Variants in FAM169A observed in about 807,000 individuals in gnomAD.
FAM169A encodes the protein soluble lamin-associated protein of 75 kDa.
FAM169A carries 24 observed loss-of-function variants against 75.7 expected under a neutral mutation model. That is an observed-to-expected ratio of 0.32 (90% CI 0.23 to 0.45). FAM169A has a LOEUF of 0.45. Among genes scored for constraint, FAM169A ranks in the 20% least tolerant of loss-of-function variants. FAM169A has a pLI of 1.00. For synonymous variants in FAM169A, 271 were observed against 271.0 expected, an observed-to-expected ratio of 1.00 and a Z score of 0.00; for missense variants, 673 against 784.0, an observed-to-expected ratio of 0.86 and a Z score of 1.69.
chr5:74,784,629 A>AAAAT, intron 11 of FAM169A, among the ~76,000 whole-genome samples: 1 of 150,098 alleles, frequency 6.7e-6, no homozygotes, highest in Admixed American at 6.6e-5. Context: ...AAAAAAAAAA[A>AAAAT]AAAATAGGCT....
chr5:74,866,908 C>T (rs1349331603), upstream of FAM169A: 2 of 985,548 alleles, frequency 2.0e-6, no homozygotes, highest in Non-Finnish European at 2.4e-6. Flanking sequence ...CACTTTCATC[C>T]TAAACCTACT....
chr5:74,831,744 G>A (rs886730738), intron 5 of FAM169A, among the ~76,000 whole-genome samples: 4 of 152,010 alleles, frequency 2.6e-5, no homozygotes, highest in East Asian at 1.9e-4. Flanking sequence ...CACTGTCCTC[G>A]ACTTGTGAGG....
At chr5:74,839,079 T>G (rs1211029499) in intron 3 of FAM169A, 29 bp from the exon 4 acceptor site, 2 of 1,539,472 alleles carry the variant, frequency 1.3e-6, no homozygotes, top group Non-Finnish European at 1.8e-6. Flanking sequence ...TCATTAACAC[T>G]TGAGTTTTAA....
chr5:74,841,906 T>C (rs1195338333), intron 1 of FAM169A, among the ~76,000 whole-genome samples: 1 of 152,166 alleles, frequency 6.6e-6, no homozygotes, highest in Non-Finnish European at 1.5e-5. Flanking sequence ...ATGAAATAAA[T>C]TAACAGATAC....
intron 1 of FAM169A, 160 bp downstream of exon 1, chr5:74,866,005 A>C (rs1235760098): frequency 5.3e-6 from 1 of 189,244 alleles, no homozygotes; most frequent in Admixed American, 6.5e-5. Context: ...GGCGGCCCGC[A>C]CTGGTCTGCG....
chr5:74,790,267 G>T (rs1010294772), intron 11 of FAM169A, among the ~76,000 whole-genome samples: 4 of 152,166 alleles, frequency 2.6e-5, no homozygotes, highest in African/African-American at 9.7e-5. Flanking sequence ...ACCCAAAAGT[G>T]GACAGCTACA....
chr5:74,853,884 G>A (rs1163520235), intron 1 of FAM169A, among the ~76,000 whole-genome samples: 2 of 149,730 alleles, frequency 1.3e-5, no homozygotes, highest in African/African-American at 4.9e-5. Flanking sequence ...ATCTTCTTCA[G>A]AATTTTTAAA....
chr5:74,802,104 TTCAG>T (rs536130277), intron 8 of FAM169A, among the ~76,000 whole-genome samples: 192 of 152,322 alleles, frequency 1.3e-3, no homozygotes, highest in Non-Finnish European at 1.5e-3. Flanking sequence ...TTAATGACGA[TTCAG>T]TCAGTCATTC....
chr5:74,795,892 TAATA>T, intron 11 of FAM169A, 134 bp downstream of exon 11: 1 of 762,766 alleles, frequency 1.3e-6, no homozygotes, highest in Non-Finnish European at 2.0e-6. Context: ...TGACCTTGCT[TAATA>T]TATATGATTT....
chr5:74,799,274 G>A (rs1561294721), intron 10 of FAM169A: 3 of 1,547,740 alleles, frequency 1.9e-6, no homozygotes, highest in Non-Finnish European at 1.8e-6. Context: ...ATGATCCTGA[G>A]AATTAATCGC....
chr5:74,817,740 C>G (rs1747544267), intron 5 of FAM169A, among the ~76,000 whole-genome samples: 1 of 152,134 alleles, frequency 6.6e-6, no homozygotes, highest in African/African-American at 2.4e-5. Flanking sequence ...GACTGATTCA[C>G]ACTTCCAAAT....
At chr5:74,790,093 T>A (rs1745896426) in intron 11 of FAM169A, among the ~76,000 whole-genome samples, 1 of 152,214 alleles carries the variant, frequency 6.6e-6, no homozygotes, top group Non-Finnish European at 1.5e-5. Flanking sequence ...GTAAGTTACA[T>A]GAGGAAGTGG....
At chr5:74,828,684 T>C (rs1310473691) in intron 5 of FAM169A, among the ~76,000 whole-genome samples, 2 of 152,258 alleles carry the variant, frequency 1.3e-5, no homozygotes, top group African/African-American at 4.8e-5. Context: ...CTTCCTGCCT[T>C]GGGCAATGGC....
At chr5:74,801,250 T>C (rs551903400) in intron 9 of FAM169A, among the ~76,000 whole-genome samples, 3 of 152,344 alleles carry the variant, frequency 2.0e-5, no homozygotes, top group African/African-American at 7.2e-5. Context: ...ACTGTGTAAG[T>C]CATTCCTCAC....
chr5:74,782,835 G>A (rs1270046342), intron 12 of FAM169A, 96 bp downstream of exon 12: 1 of 772,346 alleles, frequency 1.3e-6, no homozygotes, highest in Non-Finnish European at 2.1e-6. Context: ...CACTGTACAT[G>A]TAAAGGTGGA....
At chr5:74,787,483 G>A (rs1161625887) in intron 11 of FAM169A, among the ~76,000 whole-genome samples, 2 of 152,192 alleles carry the variant, frequency 1.3e-5, no homozygotes, top group African/African-American at 2.4e-5. Flanking sequence ...GGGTCCAGAA[G>A]ATATACCCTT....
intron 11 of FAM169A, among the ~76,000 whole-genome samples, chr5:74,789,914 G>C (rs899039770): frequency 3.3e-5 from 5 of 152,188 alleles, no homozygotes; most frequent in Non-Finnish European, 1.5e-5. Flanking sequence ...GGTAGAAACC[G>C]AATGCTTGAT....
chr5:74,846,547 G>A (rs919445683), intron 1 of FAM169A, among the ~76,000 whole-genome samples: 1 of 152,130 alleles, frequency 6.6e-6, no homozygotes, highest in African/African-American at 2.4e-5. Flanking sequence ...AAATACGCAC[G>A]TTATTTTAGA....
Position 74,800,974 on chromosome 5 carries a change from T to C in FAM169A, c.1009A>G (p.Lys337Glu). 1 of 1,563,018 alleles carries C rather than the reference T, an allele frequency of 6.4e-7. No individual in the cohort carries two copies. The highest frequency in any genetic ancestry group is 8.7e-7 in the Non-Finnish European group (1 of 1,154,056). ...GAATCCTGAAACCGCTTTCCAATCT[T>C]TGGCCGCTTTAGATTACCACTTCGA... is the stretch of plus-strand genomic sequence containing the variant. ...HTRSGNLKRP[K>E]IGKRFQDSEF... The change falls in exon 10 of 13, where the codon AAG becomes GAG. Residue 337 changes from lysine (K) to glutamate (E), a missense_variant. Lys to Glu is a moderately conservative substitution (Grantham distance 56). Coordinates refer to ENST00000687041, the MANE Select transcript of FAM169A (RefSeq NM_001376049.1).
Sources: allele counts gnomAD v4.1 joint callset (sites outside exome capture counted in the v4.1 genomes callset), GRCh38; gene constraint gnomAD v4.1.1; transcripts MANE v1.5; gene names NCBI Gene and HGNC (gene_info 2026-07-23, HGNC 2026-07-21).